The following HK2 variants were observed in gnomAD, a reference collection of about 807,000 sequenced individuals.
The protein encoded by HK2 is hexokinase-2.
Under a neutral mutation model 92.9 loss-of-function variants are expected in HK2, and 42 were observed. That is an observed-to-expected ratio of 0.45 (90% CI 0.35 to 0.58). The LOEUF is 0.58. HK2 is among the 20% of genes least tolerant of loss of function. HK2 has a pLI of 0.00. For missense variants in HK2, 978 were observed against 1,245.1 expected, an observed-to-expected ratio of 0.79 and a Z score of 3.23; for synonymous variants, 422 against 468.0, an observed-to-expected ratio of 0.90 and a Z score of 1.27.
chr2:74,849,146 C>G (rs1342413372), intron 1 of HK2, among the ~76,000 whole-genome samples: 2 of 152,196 alleles, frequency 1.3e-5, no homozygotes, highest in Admixed American at 1.3e-4. Context: ...AAGTGCTGGT[C>G]TGGAGGAAAA....
chr2:74,835,732 A>G (rs1368092507), intron 1 of HK2, among the ~76,000 whole-genome samples: 1 of 152,196 alleles, frequency 6.6e-6, no homozygotes, highest in Non-Finnish European at 1.5e-5. Flanking sequence ...GAGGTAGGGG[A>G]CAAGTTGGGA....
intron 1 of HK2, among the ~76,000 whole-genome samples, chr2:74,835,603 G>T (rs113662115): frequency 6.6e-6 from 1 of 152,178 alleles, no homozygotes; most frequent in Non-Finnish European, 1.5e-5. Flanking sequence ...CTCGGGGTAT[G>T]GGGGTGGGGA....
At chr2:74,876,249 A>G (rs1160788662) in intron 7 of HK2, among the ~76,000 whole-genome samples, 3 of 152,160 alleles carry the variant, frequency 2.0e-5, no homozygotes, top group African/African-American at 4.8e-5. Context: ...CCTCTCGGAA[A>G]GGTAACCTTG....
In HK2 at chr2:74,834,546, G is replaced by A; in HGVS notation, c.-35G>A. ...GCCTCCCCTCTCGCGTCTCCGCCTCGGTTTCCCAACTCTGCGCCGTCGGGC... is the reference window on the plus strand; with the variant it reads ...GCCTCCCCTCTCGCGTCTCCGCCTCAGTTTCCCAACTCTGCGCCGTCGGGC... On this transcript the variant is annotated 5_prime_UTR_variant, in exon 1 of 18. Transcript: ENST00000290573. This position sits in a 1 kb window ranked among gnomAD's most constrained non-coding sequence, Gnocchi z 4.2. 6.2e-7 allele frequency: 1 copy of A among 1,612,102 alleles called. No homozygotes were observed. Among genetic ancestry groups the A allele is most frequent in the Non-Finnish European group, 8.5e-7 (1 of 1,178,298 alleles).
intron 1 of HK2, among the ~76,000 whole-genome samples, chr2:74,853,206 C>T (rs1319444167): frequency 3.9e-5 from 6 of 152,000 alleles, no homozygotes; most frequent in African/African-American, 1.5e-4. Context: ...CACAAAGAGT[C>T]CAGACCTTAC....
chr2:74,834,965 A>G lies in HK2; in HGVS notation c.63+322A>G, dbSNP rs1202493575. ...CGGGTCACCCCGCAGGTAGTCAGGG[A>G]TTGCTGCGCCCACGTGGGAGGGAGC... On this transcript the variant is annotated intron_variant, in intron 1 of 17. Transcript: ENST00000290573. The surrounding 1 kb of genome is among the most constrained non-coding windows in gnomAD (Gnocchi z 4.2). Among the ~76,000 whole-genome samples, 1 of 152,054 alleles carries G rather than the reference A, an allele frequency of 6.6e-6. No homozygotes were observed. Among genetic ancestry groups the G allele is most frequent in the Non-Finnish European group, 1.5e-5 (1 of 68,006 alleles).
At chr2:74,856,721 CAA>C (rs778664305) in intron 2 of HK2, among the ~76,000 whole-genome samples, 2 of 152,168 alleles carry the variant, frequency 1.3e-5, no homozygotes, top group East Asian at 3.8e-4. Flanking sequence ...ATTTGAGGTT[CAA>C]ATGTCAAACA....
Position 74,878,861 on chromosome 2 carries a change from G to A in HK2, c.1205G>A (p.Gly402Asp), listed in dbSNP as rs1481877817. 3 of 1,552,644 alleles carry A rather than the reference G, an allele frequency of 1.9e-6. No individual in the cohort carries two copies. Among genetic ancestry groups the A allele is most frequent in the African/African-American group, 2.7e-5 (2 of 73,134 alleles). ...AVLQRIKENKGEERLRSTIGV... is the reference protein window; with the variant it reads ...AVLQRIKENKDEERLRSTIGV... ...CTGCAGCGCATCAAGGAGAACAAAG[G>A]CGAGGAGCGGCTGCGCTCTACTATT... The change falls in exon 9 of 18, where the codon GGC (glycine) becomes GAC (aspartate). Residue 402 changes from glycine (G) to aspartate (D), a missense_variant. Around this residue, in one of 3 missense-constraint regions of HK2, gnomAD observed 742 missense variants for 922.5 expected, o/e 0.80. Coordinates refer to ENST00000290573, the MANE Select transcript of HK2 (RefSeq NM_000189.5).
At chr2:74,838,296 C>T (rs1354506243) in intron 1 of HK2, among the ~76,000 whole-genome samples, 3 of 152,042 alleles carry the variant, frequency 2.0e-5, no homozygotes, top group Non-Finnish European at 4.4e-5. Context: ...AGAAGCTAAA[C>T]CAGGGCTGCA....
chr2:74,886,469 C>G (rs750423558), intron 14 of HK2, 21 bp from the exon 15 acceptor site: 1 of 1,614,000 alleles, frequency 6.2e-7, no homozygotes, highest in Admixed American at 1.7e-5. Flanking sequence ...GAGTGAGGCC[C>G]TGGTATCCTG....
intron 3 of HK2, among the ~76,000 whole-genome samples, chr2:74,868,326 G>T (rs762095563): frequency 1.3e-5 from 2 of 152,124 alleles, no homozygotes; most frequent in African/African-American, 2.4e-5. Context: ...ATAACGTCAG[G>T]AGGGACACAG....
At chr2:74,847,339 AAG>A (rs1688465894) in intron 1 of HK2, among the ~76,000 whole-genome samples, 1 of 152,154 alleles carries the variant, frequency 6.6e-6, no homozygotes, top group African/African-American at 2.4e-5. Flanking sequence ...TTTCAGTAAA[AAG>A]ATTTCTAGAA....
chr2:74,867,524 C>T (rs890408559), intron 2 of HK2, 112 bp from the exon 3 acceptor site: 1 of 1,123,482 alleles, frequency 8.9e-7, no homozygotes, highest in Non-Finnish European at 1.4e-6. Context: ...GTGAATCCCA[C>T]TGGCCGCCCC....
chr2:74,860,726 G>A (rs187407324), intron 2 of HK2, among the ~76,000 whole-genome samples: 7 of 152,222 alleles, frequency 4.6e-5, no homozygotes, highest in Admixed American at 2.0e-4. Context: ...TTGTGGACAC[G>A]TTTTTAGTTC....
chr2:74,843,034 C>A (rs1041173958), intron 1 of HK2, among the ~76,000 whole-genome samples: 5 of 152,158 alleles, frequency 3.3e-5, no homozygotes, highest in Non-Finnish European at 7.3e-5. Flanking sequence ...AATACTTGCT[C>A]ACTCATCCTC....
At position 74,866,485 on chromosome 2, in the gene HK2, T is replaced by C. The variant is rs933315683; in HGVS notation, c.227-1151T>C. 2.0e-5 allele frequency among the ~76,000 whole-genome samples: 3 copies of C among 152,186 alleles called. No homozygotes were observed. In the East Asian group the frequency reaches 5.8e-4, roughly 29 times the overall value. On this transcript the variant is annotated intron_variant, in intron 2 of 17. Coordinates refer to ENST00000290573, the MANE Select transcript of HK2 (RefSeq NM_000189.5). Reference sequence around the variant, plus strand: ...GCGCCTTGCCTGCTCCGCCAGCCCCTGCCCTGCTGCAGGTTCCGCGCCTCT... The same window carrying C: ...GCGCCTTGCCTGCTCCGCCAGCCCCCGCCCTGCTGCAGGTTCCGCGCCTCT...
chr2:74,874,197 G>A, intron 6 of HK2, 69 bp from the exon 7 acceptor site: 1 of 1,589,460 alleles, frequency 6.3e-7, no homozygotes, highest in Non-Finnish European at 8.6e-7. Context: ...CGGGACAGTA[G>A]TATAAGAGGG....
At chr2:74,875,380 G>A (rs931716450) in intron 7 of HK2, among the ~76,000 whole-genome samples, 1 of 138,462 alleles carries the variant, frequency 7.2e-6, no homozygotes, top group Non-Finnish European at 1.5e-5. Context: ...CCAGGCTGGT[G>A]TGCAATGGCG....
intron 2 of HK2, 59 bp from the exon 3 acceptor site, chr2:74,867,577 C>T (rs541843993): frequency 2.6e-5 from 41 of 1,600,820 alleles, no homozygotes; most frequent in Admixed American, 2.3e-4. Flanking sequence ...TTTTAAGTCT[C>T]GGTTGGTTCC....
Sources: allele counts gnomAD v4.1 joint callset (sites outside exome capture counted in the v4.1 genomes callset), GRCh38; gene constraint gnomAD v4.1.1; regional missense constraint gnomAD v4.1.1; non-coding constraint Gnocchi (gnomAD v3.1); transcripts MANE v1.5; gene names NCBI Gene and HGNC (gene_info 2026-07-23, HGNC 2026-07-21).